Variants in CTXND1 observed in about 807,000 individuals in gnomAD.
CTXND1 encodes the protein cortexin domain containing 1, also known as cortexin domain-containing 1 protein.
chr15:80,240,692 TG>T (rs1419392854), intron 1 of CTXND1, among the ~76,000 whole-genome samples: 1 of 152,180 alleles, frequency 6.6e-6, no homozygotes, highest in African/African-American at 2.4e-5. Context: ...TAAGAGCTCT[TG>T]AAAATGCATC....
chr15:80,205,687 C>T lies in CTXND1; in HGVS notation c.-217-1947G>A, dbSNP rs139085079. Reference sequence around the variant, plus strand: ...ACGAGACACCAGACCCCTCGTTCATCTTTCTTACTGTTCCTTACCTTCCTA... The same window carrying T: ...ACGAGACACCAGACCCCTCGTTCATTTTTCTTACTGTTCCTTACCTTCCTA... On this transcript the variant is annotated intron_variant, in intron 1 of 2. Coordinates refer to ENST00000560778, the MANE Select transcript of CTXND1 (RefSeq NM_001352888.2). Among the ~76,000 whole-genome samples, 93 of 152,282 alleles carry T rather than the reference C, an allele frequency of 6.1e-4. 2 individuals are homozygous for T. Among genetic ancestry groups the T allele is most frequent in the African/African-American group, 2.1e-3 (89 of 41,562 alleles).
intron 1 of CTXND1, among the ~76,000 whole-genome samples, chr15:80,229,757 G>C (rs1893408798): frequency 6.6e-6 from 1 of 152,196 alleles, no homozygotes; most frequent in Non-Finnish European, 1.5e-5. Context: ...TCTTTTTGCA[G>C]TCCTGGTATA....
intron 1 of CTXND1, among the ~76,000 whole-genome samples, chr15:80,237,336 GAAAA>G (rs201997173): frequency 2.0e-5 from 2 of 101,580 alleles, no homozygotes; most frequent in African/African-American, 7.7e-5. Flanking sequence ...CAGTGTCTCA[GAAAA>G]AAAAAAAAAA....
At chr15:80,210,563 A>C (rs1893193933) in intron 1 of CTXND1, among the ~76,000 whole-genome samples, 1 of 152,228 alleles carries the variant, frequency 6.6e-6, no homozygotes, top group Non-Finnish European at 1.5e-5. Context: ...ATGATGAGAC[A>C]GTAGACGCTG....
chr15:80,202,054 G>A (rs1257793339), intron 2 of CTXND1, 40 bp from the exon 3 acceptor site: 3 of 397,764 alleles, frequency 7.5e-6, no homozygotes, highest in Non-Finnish European at 1.3e-5. Context: ...GAGGGGCATG[G>A]TCAGGTGCCT....
chr15:80,214,516 A>G (rs1223782820), intron 1 of CTXND1, among the ~76,000 whole-genome samples: 2 of 152,210 alleles, frequency 1.3e-5, no homozygotes, highest in South Asian at 4.1e-4. Flanking sequence ...CTTGATTTAA[A>G]TAACATTAAA....
intron 1 of CTXND1, among the ~76,000 whole-genome samples, chr15:80,243,756 C>T (rs971920710): frequency 6.6e-6 from 1 of 152,178 alleles, no homozygotes; most frequent in African/African-American, 2.4e-5. Context: ...ACTTAGTCCA[C>T]CAGTCACAGT....
chr15:80,238,008 C>CAAAAAAAAAAAAAA (rs57718635), intron 1 of CTXND1, among the ~76,000 whole-genome samples: 3 of 77,132 alleles, frequency 3.9e-5, no homozygotes, highest in African/African-American at 5.8e-5. Context: ...GACTCCATCT[C>CAAAAAAAAAAAAAA]AAAAAAAAAA....
At chr15:80,216,546 T>C (rs1437694583) in intron 1 of CTXND1, among the ~76,000 whole-genome samples, 3 of 152,232 alleles carry the variant, frequency 2.0e-5, no homozygotes, top group Non-Finnish European at 4.4e-5. Flanking sequence ...TTATGGATCA[T>C]CATTTAATAT....
chr15:80,213,453 C>T (rs1183689806), intron 1 of CTXND1, among the ~76,000 whole-genome samples: 1 of 152,012 alleles, frequency 6.6e-6, no homozygotes, highest in African/African-American at 2.4e-5. Flanking sequence ...GGGGAATTAT[C>T]CTGAGTTGTC....
At chr15:80,220,185 C>CT (rs1893300286) in intron 1 of CTXND1, among the ~76,000 whole-genome samples, 1 of 151,356 alleles carries the variant, frequency 6.6e-6, no homozygotes, top group Non-Finnish European at 1.5e-5. Context: ...ATCTATCTAT[C>CT]TATATTAGAA....
At chr15:80,235,199 T>G (rs1324551468) in intron 1 of CTXND1, among the ~76,000 whole-genome samples, 2 of 152,166 alleles carry the variant, frequency 1.3e-5, no homozygotes, top group African/African-American at 4.8e-5. Context: ...AAAACTGGCC[T>G]CCTGTGTTCC....
chr15:80,205,719 C>A (rs915431190), intron 1 of CTXND1, among the ~76,000 whole-genome samples: 1 of 152,186 alleles, frequency 6.6e-6, no homozygotes, highest in Non-Finnish European at 1.5e-5. Flanking sequence ...CCTAGTCCAA[C>A]TTTTCCACAT....
rs1451673136 is a variant in CTXND1 at position 80,200,178 on chromosome 15, A to C, written c.*1592T>G. 6.6e-6 allele frequency: 1 copy of C among 152,170 alleles called. No individual in the cohort carries two copies. Among genetic ancestry groups the C allele is most frequent in the Non-Finnish European group, 1.5e-5 (1 of 68,068 alleles). The allele number at this position is 152,170 out of a possible 1,614,324, so 9.4% of individuals were successfully genotyped here. ...AAAAGCTGAAGGTGCCAGGCTCTGT[A>C]GGGGCAGGGGGCACCCAGAACCTCT... On this transcript the variant is annotated 3_prime_UTR_variant, in exon 3 of 3. Transcript: ENST00000560778.
At chr15:80,245,199 C>T (rs1054683764) in intron 1 of CTXND1, among the ~76,000 whole-genome samples, 1 of 152,132 alleles carries the variant, frequency 6.6e-6, no homozygotes, top group Non-Finnish European at 1.5e-5. Context: ...CATAGCTGAA[C>T]AGTTTGGGGC....
At chr15:80,244,662 G>A (rs1462795018) in intron 1 of CTXND1, among the ~76,000 whole-genome samples, 1 of 152,206 alleles carries the variant, frequency 6.6e-6, no homozygotes, top group African/African-American at 2.4e-5. Context: ...ATCAGCCCCA[G>A]ACACTGCCCT....
At position 80,200,722 on chromosome 15, in the gene CTXND1, A is replaced by G. The variant is rs2041444687; in HGVS notation, c.*1048T>C. 1.3e-5 allele frequency: 2 copies of G among 152,242 alleles called. No homozygotes were observed. Among genetic ancestry groups the G allele is most frequent in the Non-Finnish European group, 1.5e-5 (1 of 68,068 alleles). 9.4% of individuals were successfully genotyped at this position (152,242 alleles called of 1,614,324 possible). On this transcript the variant is annotated 3_prime_UTR_variant, in exon 3 of 3. Coordinates refer to ENST00000560778, the MANE Select transcript of CTXND1 (RefSeq NM_001352888.2). ...GGTGAAGTGACTTGCTCAAGGTCGCATTGTAACCTGACTGGTAAATGCGAG... is the reference window on the plus strand; with the variant it reads ...GGTGAAGTGACTTGCTCAAGGTCGCGTTGTAACCTGACTGGTAAATGCGAG...
intron 1 of CTXND1, among the ~76,000 whole-genome samples, chr15:80,243,024 C>T (rs1366875678): frequency 6.6e-6 from 1 of 152,236 alleles, no homozygotes; most frequent in African/African-American, 2.4e-5. Flanking sequence ...TCTGTGACCA[C>T]ATGAGCTGCA....
In CTXND1 at chr15:80,207,308, A is replaced by G. The variant is rs1356626440; in HGVS notation, c.-217-3568T>C. On this transcript the variant is annotated intron_variant, in intron 1 of 2. Coordinates refer to ENST00000560778, the MANE Select transcript of CTXND1 (RefSeq NM_001352888.2). ...TTTTTCCTGTTTTTTTTTTCTTTTTATGCTGTAGTCTGAATATTTTTATGA... is the reference window on the plus strand; with the variant it reads ...TTTTTCCTGTTTTTTTTTTCTTTTTGTGCTGTAGTCTGAATATTTTTATGA... Among the ~76,000 whole-genome samples, 3 of 141,234 alleles carry G rather than the reference A, an allele frequency of 2.1e-5. No homozygotes were observed. In the East Asian group the frequency reaches 6.0e-4, roughly 28 times the overall value. The allele number at this position is 141,234 out of a possible 152,430, so 92.7% of individuals were successfully genotyped here.
Sources: gnomAD v4.1 joint callset for allele counts (sites outside exome capture counted in the v4.1 genomes callset) on GRCh38, gnomAD v4.1.1 for gene constraint, MANE v1.5 for transcripts, NCBI Gene and HGNC (gene_info 2026-07-23, HGNC 2026-07-21) for gene names.